The following UNC13C variants were observed in gnomAD, a reference collection of about 807,000 sequenced individuals.
UNC13C encodes protein unc-13 homolog C.
A neutral mutation model predicts 245.4 loss-of-function variants in UNC13C; 174 were observed. The observed-to-expected ratio is 0.71, with a 90% confidence interval of 0.63 to 0.80. The LOEUF (loss-of-function observed/expected upper bound fraction) is 0.80, where lower values mean the gene tolerates loss of function less well. Among genes scored for constraint, UNC13C ranks in the 30% least tolerant of loss-of-function variants. The pLI is 0.00. For synonymous variants in UNC13C, 992 were observed against 895.1 expected, an observed-to-expected ratio of 1.11 and a Z score of -1.93; for missense variants, 2,829 against 2,602.9, an observed-to-expected ratio of 1.09 and a Z score of -1.89.
At chr15:53,858,510 T>C in the UNC13C span, among the ~76,000 whole-genome samples, 1 of 151,886 alleles carries the variant, frequency 6.6e-6, no homozygotes, top group Non-Finnish European at 1.5e-5. Context: ...AACCTCCACC[T>C]ACCGGGTTCA....
intron 2 of UNC13C, among the ~76,000 whole-genome samples, chr15:54,040,226 A>G (rs1896754824): frequency 6.6e-6 from 1 of 152,272 alleles, no homozygotes; most frequent in Admixed American, 6.5e-5. Context: ...CAACTAGTTT[A>G]TTTCAAAGGT....
upstream of UNC13C, among the ~76,000 whole-genome samples, chr15:53,977,153 G>A (rs1293357475): frequency 6.6e-6 from 1 of 152,178 alleles, no homozygotes; most frequent in Non-Finnish European, 1.5e-5. Flanking sequence ...TAAGCAGCGG[G>A]TAAGGGAAGC....
intron 2 of UNC13C, among the ~76,000 whole-genome samples, chr15:54,119,942 A>G (rs568355253): frequency 6.6e-6 from 1 of 152,276 alleles, no homozygotes; most frequent in East Asian, 1.9e-4. Context: ...CCACAGAAGA[A>G]AAGTTTGAAG....
intron 26 of UNC13C, among the ~76,000 whole-genome samples, chr15:54,538,152 A>AC (rs1344399284): frequency 6.8e-5 from 10 of 147,030 alleles, no homozygotes; most frequent in African/African-American, 2.5e-4. Context: ...AAAAAAAAAA[A>AC]AAAAAAAAAA....
chr15:54,172,703 GATATATATATATATATATATATAT>G (rs56316345), intron 4 of UNC13C, among the ~76,000 whole-genome samples: 5,600 of 78,292 alleles, frequency 0.072, 388 homozygotes, highest in Admixed American at 0.11. Flanking sequence ...TACACACACA[GATATATATATATATATATATATAT>G]ATATATATAT....
At chr15:54,411,585 T>C (rs903350282) in intron 18 of UNC13C, among the ~76,000 whole-genome samples, 4 of 152,060 alleles carry the variant, frequency 2.6e-5, no homozygotes, top group Admixed American at 6.6e-5. Flanking sequence ...TTAGCATCTC[T>C]TGTTGAAAAG....
chr15:54,572,481 A>G (rs895399881), intron 30 of UNC13C, among the ~76,000 whole-genome samples: 2 of 143,052 alleles, frequency 1.4e-5, no homozygotes, highest in Non-Finnish European at 3.0e-5. Context: ...GCTAGAGTGC[A>G]GTGGCACGAT....
the UNC13C span, among the ~76,000 whole-genome samples, chr15:53,960,859 C>T: frequency 6.6e-6 from 1 of 152,208 alleles, no homozygotes; most frequent in Non-Finnish European, 1.5e-5. Flanking sequence ...TCCCCCACCA[C>T]ATAGCTTTCC....
intron 4 of UNC13C, among the ~76,000 whole-genome samples, chr15:54,219,180 G>C (rs370928588): frequency 6.6e-5 from 10 of 151,766 alleles, no homozygotes; most frequent in African/African-American, 2.4e-4. Flanking sequence ...GAGGCATCAC[G>C]CTACCTGACT....
intron 10 of UNC13C, among the ~76,000 whole-genome samples, chr15:54,275,649 C>A (rs1475757577): frequency 4.6e-5 from 7 of 152,090 alleles, no homozygotes; most frequent in Non-Finnish European, 1.0e-4. Context: ...CTAGTTGTCT[C>A]CTCTATACCT....
intron 2 of UNC13C, among the ~76,000 whole-genome samples, chr15:54,078,702 T>C (rs567122527): frequency 6.6e-6 from 1 of 152,158 alleles, no homozygotes; most frequent in South Asian, 2.1e-4. Flanking sequence ...TCCTTAAGTT[T>C]CTCATAAATT....
At position 53,978,571 on chromosome 15, in the gene UNC13C, T is replaced by C. The variant is rs1354416178; in HGVS notation, c.-613T>C. On this transcript the variant is annotated 5_prime_UTR_variant, in exon 1 of 33. Coordinates refer to ENST00000260323, the MANE Select transcript of UNC13C (RefSeq NM_001080534.3). ...ACGGGAGAGATCCCATTTTGCTTTC[T>C]GGGAGAAAGAGATGAGAAATGAGCC... Among the ~76,000 whole-genome samples the C allele has an allele frequency of 6.6e-6, 1 of 152,128 alleles. No individual in the cohort carries two copies.
chr15:54,143,558 A>C (rs990121126), intron 3 of UNC13C, 62 bp from the exon 4 acceptor site: 43 of 1,398,008 alleles, frequency 3.1e-5, no homozygotes, highest in Non-Finnish European at 2.4e-5. Context: ...GATTTCGTGT[A>C]CATAAAACTG....
intron 1 of UNC13C, among the ~76,000 whole-genome samples, chr15:53,998,353 G>A (rs1894729874): frequency 6.6e-6 from 1 of 151,992 alleles, no homozygotes; most frequent in Non-Finnish European, 1.5e-5. Flanking sequence ...AGGAAAATAT[G>A]TCAGTAAATT....
At chr15:53,850,871 C>CTTT in the UNC13C span, among the ~76,000 whole-genome samples, 1 of 145,396 alleles carries the variant, frequency 6.9e-6, no homozygotes, top group Non-Finnish European at 1.5e-5. Flanking sequence ...TTTTTCCAAC[C>CTTT]TTTTTTTTTT....
intron 19 of UNC13C, among the ~76,000 whole-genome samples, chr15:54,434,404 C>T (rs145713147): frequency 1.3e-5 from 2 of 152,142 alleles, no homozygotes; most frequent in African/African-American, 4.8e-5. Context: ...ACCAATGGAA[C>T]AGAACAGAGA....
At chr15:54,146,842 T>G (rs867942551) in intron 4 of UNC13C, among the ~76,000 whole-genome samples, 9 of 152,116 alleles carry the variant, frequency 5.9e-5, no homozygotes, top group Non-Finnish European at 1.2e-4. Flanking sequence ...AGAAGAGCCT[T>G]TGGACCATGA....
At chr15:54,039,329 C>T (rs981817906) in intron 2 of UNC13C, among the ~76,000 whole-genome samples, 1 of 152,022 alleles carries the variant, frequency 6.6e-6, no homozygotes, top group African/African-American at 2.4e-5. Context: ...TTTTATTTGC[C>T]TGATTTGAGT....
intron 6 of UNC13C, among the ~76,000 whole-genome samples, chr15:54,236,882 C>G (rs897999784): frequency 6.6e-6 from 1 of 152,080 alleles, no homozygotes; most frequent in African/African-American, 2.4e-5. Context: ...TCCCTTTGCT[C>G]CTAATGGGAT....
Sources: allele counts gnomAD v4.1 joint callset (sites outside exome capture counted in the v4.1 genomes callset), GRCh38; gene constraint gnomAD v4.1.1; transcripts MANE v1.5; gene names NCBI Gene and HGNC (gene_info 2026-07-23, HGNC 2026-07-21).